The following MTMR10 variants were observed in gnomAD, a reference collection of about 807,000 sequenced individuals.
MTMR10 encodes myotubularin-related protein 10.
A neutral mutation model predicts 88.1 loss-of-function variants in MTMR10; 56 were observed. That is an observed-to-expected ratio of 0.64 (90% CI 0.51 to 0.79). The LOEUF (loss-of-function observed/expected upper bound fraction) is 0.79. MTMR10 is among the 30% of genes least tolerant of loss of function. The pLI is 0.00. For missense variants in MTMR10, 883 were observed against 924.7 expected, an observed-to-expected ratio of 0.95 and a Z score of 0.58; for synonymous variants, 380 against 340.9, an observed-to-expected ratio of 1.11 and a Z score of -1.26.
At position 30,953,636 on chromosome 15, in the gene MTMR10, A is replaced by C. The variant is rs752126756; in HGVS notation, c.1067-5T>G. On this transcript the variant is annotated splice_polypyrimidine_tract_variant and splice_region_variant and intron_variant, in intron 10 of 15. Coordinates refer to ENST00000435680, the MANE Select transcript of MTMR10 (RefSeq NM_017762.3). ...CTTCAGTTTCTTCAAAAGGCTCTGTAATAAATTATATACATACACATTTTT... is the reference window on the plus strand; with the variant it reads ...CTTCAGTTTCTTCAAAAGGCTCTGTCATAAATTATATACATACACATTTTT... 6.6e-7 allele frequency: 1 copy of C among 1,513,276 alleles called. No individual in the cohort carries two copies. The highest frequency in any genetic ancestry group is 1.2e-5 in the South Asian group (1 of 83,110). 93.7% of individuals were successfully genotyped at this position (1,513,276 alleles called of 1,614,324 possible). A position where few individuals can be genotyped will look rare whatever the true frequency, so the allele number is the denominator to read the frequency against.
intron 5 of MTMR10, among the ~76,000 whole-genome samples, chr15:30,969,139 G>C (rs916618151): frequency 1.3e-5 from 2 of 152,084 alleles, no homozygotes; most frequent in African/African-American, 4.8e-5. Flanking sequence ...TCATTAACCA[G>C]TAAGCATGTG....
Position 30,941,167 on chromosome 15 carries a change from G to T in MTMR10, c.*303C>A, listed in dbSNP as rs938377558. The T allele has an allele frequency of 7.6e-7, 1 of 1,321,804 alleles. No homozygotes were observed. The highest frequency in any genetic ancestry group is 1.5e-5 in the African/African-American group (1 of 67,198). 81.9% of individuals were successfully genotyped at this position (1,321,804 alleles called of 1,614,324 possible). A position where few individuals can be genotyped will look rare whatever the true frequency, so the allele number is the denominator to read the frequency against. ...TGCTAATGTGACTGACTATCAGATA[G>T]CCTTCAGGAGGTGGTAGGAAAAATG... On this transcript the variant is annotated 3_prime_UTR_variant, in exon 16 of 16. Transcript: ENST00000435680.
chr15:30,964,398 T>G (rs750818935), intron 6 of MTMR10, among the ~76,000 whole-genome samples: 1 of 152,222 alleles, frequency 6.6e-6, no homozygotes, highest in Non-Finnish European at 1.5e-5. Flanking sequence ...TTACACAAAT[T>G]TTTCTAAACG....
At chr15:30,968,740 C>A (rs2063502734) in intron 5 of MTMR10, among the ~76,000 whole-genome samples, 1 of 152,148 alleles carries the variant, frequency 6.6e-6, no homozygotes, top group Admixed American at 6.5e-5. Flanking sequence ...AGTTTGCTCA[C>A]TTGTAAAACA....
At chr15:30,990,352 A>G (rs1228045490) in intron 2 of MTMR10, among the ~76,000 whole-genome samples, 2 of 152,232 alleles carry the variant, frequency 1.3e-5, no homozygotes, top group Non-Finnish European at 2.9e-5. Flanking sequence ...AAACTGAAAC[A>G]AGCAAATTTG....
chr15:30,989,883 C>T (rs2031197171), intron 2 of MTMR10, among the ~76,000 whole-genome samples: 1 of 152,152 alleles, frequency 6.6e-6, no homozygotes, highest in Admixed American at 6.5e-5. Flanking sequence ...CCGTGCCCGG[C>T]CGATTTCAGG....
In MTMR10 at chr15:30,939,827, G is replaced by A. The variant is rs1271844234; in HGVS notation, c.*1643C>T. On this transcript the variant is annotated 3_prime_UTR_variant, in exon 16 of 16. Coordinates refer to ENST00000435680, the MANE Select transcript of MTMR10 (RefSeq NM_017762.3). Reference sequence around the variant, plus strand: ...TGGGTCTGGTTTCTAATCAAGGACTGTAAAATGTTTAATAATTCTATTTGT... The same window carrying A: ...TGGGTCTGGTTTCTAATCAAGGACTATAAAATGTTTAATAATTCTATTTGT... The A allele has an allele frequency of 1.0e-6, 1 of 985,026 alleles. No individual in the cohort carries two copies. The highest frequency in any genetic ancestry group is 1.2e-6 in the Non-Finnish European group (1 of 829,682). The allele number at this position is 985,026 out of a possible 1,614,324, so 61.0% of individuals were successfully genotyped here. A position where few individuals can be genotyped will look rare whatever the true frequency, so the allele number is the denominator to read the frequency against.
At position 30,941,484 on chromosome 15, in the gene MTMR10, C is replaced by A; in HGVS notation, c.2320G>T (p.Ala774Ser). The part of the protein sequence containing the change: ...AKIWLSTETL[A>S]NED ...AACACCCTATTTTAGTCTTCATTTGCTAATGTCTCAGTAGACAACCATATT... is the reference window on the plus strand; with the variant it reads ...AACACCCTATTTTAGTCTTCATTTGATAATGTCTCAGTAGACAACCATATT... Residue 774 changes from alanine to serine, a missense_variant, in exon 16 of 16, where the codon GCA (alanine) becomes TCA (serine). Ala to Ser is a moderately conservative substitution (Grantham distance 99, BLOSUM62 1). This residue lies in a region of MTMR10 where 343 missense variants were observed against 323.2 expected (regional missense o/e 1.06). Transcript: ENST00000435680. The A allele has an allele frequency of 6.2e-7, 1 of 1,605,920 alleles. No homozygotes were observed. Among genetic ancestry groups the A allele is most frequent in the Non-Finnish European group, 8.5e-7 (1 of 1,175,760 alleles).
chr15:30,955,021 CTTTT>C, intron 9 of MTMR10, 128 bp from the exon 10 acceptor site: 2 of 578,758 alleles, frequency 3.5e-6, no homozygotes, highest in Non-Finnish European at 5.0e-6. Flanking sequence ...ATGGAGTTTA[CTTTT>C]TTTTTTTTAA....
At position 30,954,791 on chromosome 15, in the gene MTMR10, A is replaced by G; in HGVS notation, c.1038T>C (p.Phe346=). ...TAACGCATAGCTGCTTCAGTTTTAC[A>G]AATGCTGCCTGTACTTCTTGAATAT... is the stretch of plus-strand genomic sequence containing the variant. ...LPNIQEVQAA[F]VKLKQLCVNE... Residue 346 remains phenylalanine (F), a synonymous_variant, in exon 10 of 16, where the codon TTT becomes TTC. Transcript: ENST00000435680. 1 of 1,602,328 alleles carries G rather than the reference A, an allele frequency of 6.2e-7. No individual in the cohort carries two copies. The highest frequency in any genetic ancestry group is 8.5e-7 in the Non-Finnish European group (1 of 1,174,694).
intron 6 of MTMR10, 145 bp from the exon 7 acceptor site, chr15:30,961,218 C>T: frequency 2.5e-6 from 3 of 1,178,168 alleles, no homozygotes; most frequent in South Asian, 2.0e-5. Context: ...ACTGTCTTGC[C>T]CTTTCCATTT....
Position 30,947,216 on chromosome 15 carries a change from G to A in MTMR10, c.1462C>T (p.Leu488=). ...PAAFEFSETY[L]AVLYDSTRIS... Reference sequence around the variant, plus strand: ...CGGGTGCTGTCATACAACACTGCCAGGTAGGTTTCGGAGAACTCAAAAGCT... The same window carrying A: ...CGGGTGCTGTCATACAACACTGCCAAGTAGGTTTCGGAGAACTCAAAAGCT... Residue 488 remains leucine (L), a synonymous_variant, in exon 14 of 16, where the codon CTG becomes TTG. Coordinates refer to ENST00000435680, the MANE Select transcript of MTMR10 (RefSeq NM_017762.3). 1 of 1,613,956 alleles carries A rather than the reference G, an allele frequency of 6.2e-7. No individual in the cohort carries two copies. The highest frequency in any genetic ancestry group is 8.5e-7 in the Non-Finnish European group (1 of 1,179,874).
At chr15:30,933,109 T>A in the MTMR10 span, among the ~76,000 whole-genome samples, 1 of 152,198 alleles carries the variant, frequency 6.6e-6, no homozygotes, top group African/African-American at 2.4e-5. Context: ...TCTTTTCTCT[T>A]TTTTCCCTAA....
At chr15:30,978,871 A>G (rs1198783383) in intron 2 of MTMR10, among the ~76,000 whole-genome samples, 2 of 149,982 alleles carry the variant, frequency 1.3e-5, no homozygotes, top group African/African-American at 4.9e-5. Context: ...ACTGAATTCT[A>G]ACGAGAAAAA....
intron 2 of MTMR10, among the ~76,000 whole-genome samples, chr15:30,979,510 G>A (rs1054558417): frequency 1.3e-5 from 2 of 152,058 alleles, no homozygotes; most frequent in South Asian, 4.1e-4. Flanking sequence ...CCCAGGAGGT[G>A]GAGGTTGCAG....
chr15:30,930,391 G>A, the MTMR10 span: 4 of 841,040 alleles, frequency 4.8e-6, no homozygotes, highest in Middle Eastern at 3.0e-4. Flanking sequence ...TGCAGCTCTG[G>A]TACAAGCAGC....
Position 30,959,069 on chromosome 15 carries a change from T to C in MTMR10, c.811A>G (p.Ile271Val). ...PSSLADQDLK[I>V]FSHSFVGRRM... ...CTCCCAACAAAAGAATGGGAAAAGA[T>C]CTTTAGATCTTGGTCTGCTAAAGAA... The change falls in exon 8 of 16, where the codon ATC becomes GTC. Residue 271 changes from isoleucine (I) to valine (V), a missense_variant. By Grantham distance (29) the Ile-to-Val change is conservative. Around this residue, in one of 3 missense-constraint regions of MTMR10, gnomAD observed 414 missense variants for 423.2 expected, o/e 0.98. Coordinates refer to ENST00000435680, the MANE Select transcript of MTMR10 (RefSeq NM_017762.3). 1.9e-6 allele frequency: 3 copies of C among 1,612,236 alleles called. No individual in the cohort carries two copies. Among genetic ancestry groups the C allele is most frequent in the South Asian group, 2.2e-5 (2 of 90,844 alleles).
At position 30,948,144 on chromosome 15, in the gene MTMR10, A is replaced by T. The variant is rs554525746; in HGVS notation, c.1377+158T>A. The stretch of plus-strand genomic sequence containing the variant: ...AGTTACGATAATCTTTATAATAAGT[A>T]CATCAATTTGAACTCTAATCCATTA... On this transcript the variant is annotated intron_variant, in intron 13 of 15. Transcript: ENST00000435680. Among the ~76,000 whole-genome samples, 8 of 152,374 alleles carry T rather than the reference A, an allele frequency of 5.3e-5. No homozygotes were observed. In the South Asian group the frequency reaches 1.7e-3, roughly 32 times the overall value.
rs202162146 is a variant in MTMR10, at chr15:30,944,553, A to AC, written c.1549-1482_1549-1481insG. On this transcript the variant is annotated intron_variant, in intron 14 of 15. Coordinates refer to ENST00000435680, the MANE Select transcript of MTMR10 (RefSeq NM_017762.3). Reference sequence around the variant, plus strand: ...TGTGCTCCAGCCTGGGTGATAGAGCAAGACTCTGTCTCAAAAAAAAAAAAA... The same window carrying AC: ...TGTGCTCCAGCCTGGGTGATAGAGCACAGACTCTGTCTCAAAAAAAAAAAAA... Among the ~76,000 whole-genome samples, 570 of 148,702 alleles carry AC rather than the reference A, an allele frequency of 3.8e-3. 9 individuals are homozygous for AC. The highest frequency in any genetic ancestry group is 0.023 in the Admixed American group (350 of 15,048).
Sources: allele counts gnomAD v4.1 joint callset (sites outside exome capture counted in the v4.1 genomes callset), GRCh38; gene constraint gnomAD v4.1.1; regional missense constraint gnomAD v4.1.1; transcripts MANE v1.5; gene names NCBI Gene and HGNC (gene_info 2026-07-23, HGNC 2026-07-21).